The following DGKD variants were observed in gnomAD, a reference collection of about 807,000 sequenced individuals.
The protein encoded by DGKD is DAG kinase delta.
In DGKD, 68 loss-of-function variants were observed where a neutral mutation model predicts 154.4. The ratio of observed to expected loss-of-function variants is 0.44; its 90% CI spans 0.36 to 0.54. The LOEUF (loss-of-function observed/expected upper bound fraction) is 0.54, where lower values mean the gene tolerates loss of function less well. Ranked by LOEUF, DGKD falls within the 20% of genes least tolerant of loss-of-function variation. The pLI, the probability that DGKD is intolerant of heterozygous loss-of-function variation, is 0.00. For synonymous variants in DGKD, 693 were observed against 638.0 expected (o/e 1.09, Z -1.30); for missense variants, 1,343 against 1,593.6 (o/e 0.84, Z 2.68).
chr2:233,402,960 A>AT (rs1315752750), intron 3 of DGKD, among the ~76,000 whole-genome samples: 2 of 152,202 alleles, frequency 1.3e-5, no homozygotes, highest in Non-Finnish European at 2.9e-5. Context: ...GTGCCCTGTC[A>AT]TAAGTAGAGT....
chr2:233,362,077 C>T (rs1484168983), intron 1 of DGKD, among the ~76,000 whole-genome samples: 2 of 152,080 alleles, frequency 1.3e-5, no homozygotes, highest in Non-Finnish European at 2.9e-5. Flanking sequence ...GGATTACATG[C>T]GTGAGCCACC....
chr2:233,445,708 A>G lies in DGKD; in HGVS notation c.1280A>G (p.Gln427Arg). Residue 427 changes from glutamine to arginine, a missense_variant, in exon 11 of 30, where the codon CAG (glutamine) becomes CGG (arginine). Physicochemically the swap from Gln to Arg is conservative, Grantham distance 43 (BLOSUM62 1). This residue lies in a region of DGKD where 409 missense variants were observed against 446.0 expected (regional missense o/e 0.92). Coordinates refer to ENST00000264057, the MANE Select transcript of DGKD (RefSeq NM_152879.3). The surrounding 1 kb of genome is among the most constrained non-coding windows in gnomAD (Gnocchi z 5.5). ...GGCTCAGCCTGCGATGACGACACCC[A>G]GCTCCCCCAGATCTTGGAGAAGTTG... ...GWGSACDDDT[Q>R]LPQILEKLER... 2 of 1,613,594 alleles carry G rather than the reference A, an allele frequency of 1.2e-6. No individual in the cohort carries two copies. The highest frequency in any genetic ancestry group is 1.3e-5 in the African/African-American group (1 of 74,992).
intron 11 of DGKD, among the ~76,000 whole-genome samples, chr2:233,446,496 C>T (rs1470948724): frequency 2.0e-5 from 3 of 152,248 alleles, no homozygotes; most frequent in East Asian, 3.8e-4. Context: ...TTATGGGAGA[C>T]CTTCCTCTCT....
intron 1 of DGKD, among the ~76,000 whole-genome samples, chr2:233,383,031 T>A (rs1275927210): frequency 6.6e-6 from 1 of 151,262 alleles, no homozygotes; most frequent in East Asian, 1.9e-4. Flanking sequence ...TTTCTTTTTT[T>A]CTTTCTTTCT....
Position 233,388,454 on chromosome 2 carries a change from G to T in DGKD, c.267+87G>T, listed in dbSNP as rs139249424. 345 of 1,305,914 alleles carry T rather than the reference G, an allele frequency of 2.6e-4. No individual in the cohort carries two copies. In the African/African-American group the frequency reaches 4.7e-3, roughly 18 times the overall value. 80.9% of individuals were successfully genotyped at this position (1,305,914 alleles called of 1,614,324 possible). ...CTGGGGGTGCTGAGTCCTTGTGTGG[G>T]AAAAGCTTCAATTCTCAGATCTGTT... On this transcript the variant is annotated intron_variant, in intron 2 of 29. Coordinates refer to ENST00000264057, the MANE Select transcript of DGKD (RefSeq NM_152879.3).
At chr2:233,466,136 C>T (rs2063817496) in intron 27 of DGKD, among the ~76,000 whole-genome samples, 1 of 151,644 alleles carries the variant, frequency 6.6e-6, no homozygotes, top group Non-Finnish European at 1.5e-5. Flanking sequence ...AAGCAATGGT[C>T]TGTATGTTAC....
intron 12 of DGKD, chr2:233,447,846 A>G: frequency 1.5e-6 from 2 of 1,340,272 alleles, no homozygotes; most frequent in South Asian, 1.6e-5. Flanking sequence ...ACTGAAGGAG[A>G]TTCATTTGCA....
chr2:233,439,273 G>GTGT (rs1178060225), intron 9 of DGKD, among the ~76,000 whole-genome samples: 4 of 152,196 alleles, frequency 2.6e-5, no homozygotes, highest in African/African-American at 7.2e-5. Context: ...AGTGGGGTCT[G>GTGT]TGTATTAGGA....
intron 3 of DGKD, among the ~76,000 whole-genome samples, chr2:233,397,766 A>G (rs1036945986): frequency 1.3e-5 from 2 of 151,846 alleles, no homozygotes; most frequent in African/African-American, 4.8e-5. Flanking sequence ...GGTTTGTAGG[A>G]TTGTTAGGAG....
intron 18 of DGKD, among the ~76,000 whole-genome samples, chr2:233,453,800 C>T (rs1019435349): frequency 1.3e-5 from 2 of 152,050 alleles, no homozygotes; most frequent in Non-Finnish European, 2.9e-5. Flanking sequence ...GCTGCAGGAG[C>T]AGGACTTCCA....
intron 1 of DGKD, among the ~76,000 whole-genome samples, chr2:233,366,768 G>A (rs1395667607): frequency 1.3e-5 from 2 of 152,012 alleles, no homozygotes; most frequent in Non-Finnish European, 2.9e-5. Flanking sequence ...CAGTGTGACG[G>A]GGTCAGGGCC....
intron 3 of DGKD, among the ~76,000 whole-genome samples, chr2:233,399,423 C>T (rs1439944238): frequency 6.6e-6 from 1 of 152,236 alleles, no homozygotes; most frequent in East Asian, 1.9e-4. Flanking sequence ...GGTCTTCCTT[C>T]CTGCAGGGCA....
intron 1 of DGKD, among the ~76,000 whole-genome samples, chr2:233,370,951 T>G (rs1008865386): frequency 6.6e-6 from 1 of 152,108 alleles, no homozygotes; most frequent in African/African-American, 2.4e-5. Context: ...GAGGTCTTGC[T>G]GTGTTATCCA....
At chr2:233,374,642 T>C (rs7580412) in intron 1 of DGKD, among the ~76,000 whole-genome samples, 35,853 of 151,180 alleles carry the variant, frequency 0.24, 5,242 homozygotes, top group African/African-American at 0.42. Flanking sequence ...ACAATTTTAT[T>C]TTTACATTTT....
rs200145350 is a variant in DGKD, at chr2:233,451,920, T to C, written c.2168-44T>C. The stretch of plus-strand genomic sequence containing the variant: ...GAGACACGAGCTTCTCCTAAGGCTG[T>C]AGCTCCTGACCAGCACCACCTCTTT... On this transcript the variant is annotated intron_variant, in intron 17 of 29. Transcript: ENST00000264057. The C allele has an allele frequency of 9.1e-6, 14 of 1,540,326 alleles. No homozygotes were observed. The African/African-American group carries it at 1.4e-4, about 15-fold the overall frequency.
intron 3 of DGKD, among the ~76,000 whole-genome samples, chr2:233,395,597 C>T (rs1270209157): frequency 6.7e-6 from 1 of 148,416 alleles, no homozygotes; most frequent in African/African-American, 2.5e-5. Context: ...CCTCCCCTCC[C>T]CTCCTCTCCT....
chr2:233,414,659 C>T (rs936038359), intron 3 of DGKD, among the ~76,000 whole-genome samples: 8 of 152,182 alleles, frequency 5.3e-5, no homozygotes, highest in Admixed American at 6.5e-5. Context: ...CTTGTCTCTG[C>T]GGTCCTGTAC....
At chr2:233,434,929 A>G (rs1162333827) in intron 5 of DGKD, 28 bp downstream of exon 5, 8 of 1,593,428 alleles carry the variant, frequency 5.0e-6, no homozygotes, top group East Asian at 2.2e-5. Flanking sequence ...TTATTCTGTC[A>G]GGAAAGGTGG....
chr2:233,416,853 C>T lies in DGKD; in HGVS notation c.349-17527C>T, dbSNP rs571750898. Among the ~76,000 whole-genome samples the T allele has an allele frequency of 4.3e-4, 66 of 152,278 alleles. 1 individual carries two copies. The highest frequency in any genetic ancestry group is 1.2e-3 in the Admixed American group (19 of 15,298). Reference sequence around the variant, plus strand: ...GTGGTTTGTTTCTCTAGCGAGAAGTCCAGCAGCCCAGCTACTGAAAGCCAA... The same window carrying T: ...GTGGTTTGTTTCTCTAGCGAGAAGTTCAGCAGCCCAGCTACTGAAAGCCAA... On this transcript the variant is annotated intron_variant, in intron 3 of 29. Coordinates refer to ENST00000264057, the MANE Select transcript of DGKD (RefSeq NM_152879.3).
Sources: gnomAD v4.1 joint callset for allele counts (sites outside exome capture counted in the v4.1 genomes callset) on GRCh38, gnomAD v4.1.1 for gene constraint, gnomAD v4.1.1 regional missense constraint, Gnocchi (gnomAD v3.1) non-coding constraint, MANE v1.5 for transcripts, NCBI Gene and HGNC (gene_info 2026-07-23, HGNC 2026-07-21) for gene names.